PTK2B: variants seen among roughly 807,000 people sequenced by gnomAD.
PTK2B encodes protein-tyrosine kinase 2-beta.
PTK2B carries 71 observed loss-of-function variants against 142.9 expected under a neutral mutation model. That is an observed-to-expected ratio of 0.50 (90% confidence interval 0.41 to 0.61). The LOEUF (loss-of-function observed/expected upper bound fraction) is 0.61. Among genes scored for constraint, PTK2B ranks in the 20% least tolerant of loss-of-function variants. The pLI is 0.00. For missense variants in PTK2B, 1,105 were observed against 1,320.4 expected (o/e 0.84, Z 2.53); for synonymous variants, 519 against 503.4 (o/e 1.03, Z -0.42).
intron 6 of PTK2B, 66 bp from the exon 7 acceptor site, chr8:27,430,298 T>C (rs1810329085): frequency 6.9e-6 from 11 of 1,605,208 alleles, no homozygotes; most frequent in South Asian, 1.1e-5. Context: ...CTCTTCCTGA[T>C]TGGCCCGCAG....
At chr8:27,405,532 G>T (rs1351118459) in intron 2 of PTK2B, among the ~76,000 whole-genome samples, 1 of 152,170 alleles carries the variant, frequency 6.6e-6, no homozygotes, top group African/African-American at 2.4e-5. Flanking sequence ...GTTCATCCAG[G>T]AAACCACAAC....
chr8:27,432,484 G>T (rs2132057442), intron 10 of PTK2B, 123 bp downstream of exon 10: 1 of 849,912 alleles, frequency 1.2e-6, no homozygotes, highest in Non-Finnish European at 1.8e-6. Flanking sequence ...TGGCTTTGGG[G>T]ATCGTGTTAA....
chr8:27,399,016 G>A (rs1341418140), intron 2 of PTK2B, among the ~76,000 whole-genome samples: 1 of 152,210 alleles, frequency 6.6e-6, no homozygotes, highest in Non-Finnish European at 1.5e-5. Flanking sequence ...GCACAATTGT[G>A]TCCTGAGAGT....
At chr8:27,439,203 G>C in intron 19 of PTK2B, 72 bp downstream of exon 19, 1 of 1,567,328 alleles carries the variant, frequency 6.4e-7, no homozygotes, top group Non-Finnish European at 8.8e-7. Flanking sequence ...GAAGAAGGAA[G>C]TCTACAGTTG....
At chr8:27,422,011 TCA>T (rs1809784827) in intron 4 of PTK2B, among the ~76,000 whole-genome samples, 1 of 152,216 alleles carries the variant, frequency 6.6e-6, no homozygotes, top group South Asian at 2.1e-4. Flanking sequence ...TTGCAAAATC[TCA>T]GTTTTCTTCT....
Position 27,458,664 on chromosome 8 carries a change from C to T in PTK2B, c.*155C>T, listed in dbSNP as rs2132621787. 1 of 714,166 alleles carries T rather than the reference C, an allele frequency of 1.4e-6. No individual in the cohort carries two copies. Among genetic ancestry groups the T allele is most frequent in the East Asian group, 2.7e-5 (1 of 37,004 alleles). The allele number at this position is 714,166 out of a possible 1,614,324, so 44.2% of individuals were successfully genotyped here. On this transcript the variant is annotated 3_prime_UTR_variant, in exon 31 of 31. Coordinates refer to ENST00000346049, the MANE Select transcript of PTK2B (RefSeq NM_173176.3). ...CGACGCCCTCTCCCCACCCCTACCC[C>T]TGGCTGTACTGCTCAGGCTGCAGCT...
At chr8:27,427,647 A>G (rs1247425321) in intron 5 of PTK2B, among the ~76,000 whole-genome samples, 1 of 152,214 alleles carries the variant, frequency 6.6e-6, no homozygotes, top group Non-Finnish European at 1.5e-5. Context: ...CAAGCTGCCT[A>G]TAATCACCCA....
chr8:27,333,753 G>C (rs541867936), intron 1 of PTK2B, among the ~76,000 whole-genome samples: 1 of 152,108 alleles, frequency 6.6e-6, no homozygotes, highest in Admixed American at 6.5e-5. Flanking sequence ...CTATCTGGCA[G>C]CACCTTGAAG....
At chr8:27,318,303 G>A (rs1246120152) in intron 3 of PTK2B, among the ~76,000 whole-genome samples, 2 of 152,158 alleles carry the variant, frequency 1.3e-5, no homozygotes, top group African/African-American at 2.4e-5. Flanking sequence ...AGATCACCAC[G>A]TTTGTTAAAA....
upstream of PTK2B, chr8:27,310,803 G>C: frequency 1.3e-6 from 2 of 1,583,762 alleles, no homozygotes; most frequent in Non-Finnish European, 1.7e-6. Context: ...GCTCTTACCC[G>C]AAAGTCGTGG....
chr8:27,433,599 C>A, intron 11 of PTK2B, 47 bp downstream of exon 11: 1 of 1,496,378 alleles, frequency 6.7e-7, no homozygotes, highest in Non-Finnish European at 9.3e-7. Context: ...GGTGGCAGCA[C>A]ACCCGAGTCC....
chr8:27,431,365 C>G (rs1462843583), intron 8 of PTK2B, 33 bp from the exon 9 acceptor site: 1 of 1,614,122 alleles, frequency 6.2e-7, no homozygotes, highest in South Asian at 1.1e-5. Context: ...GAGGACAGCT[C>G]TGGAACAACA....
chr8:27,324,436 C>G (rs1380671307), upstream of PTK2B, among the ~76,000 whole-genome samples: 1 of 152,216 alleles, frequency 6.6e-6, no homozygotes, highest in Non-Finnish European at 1.5e-5. Context: ...TTCATCGGAC[C>G]CAGAGTGACA....
intron 4 of PTK2B, among the ~76,000 whole-genome samples, chr8:27,421,664 T>A (rs1387874545): frequency 8.5e-5 from 13 of 152,272 alleles, no homozygotes; most frequent in Non-Finnish European, 1.5e-5. Flanking sequence ...CCAATTTCTA[T>A]GGTGTAAATA....
chr8:27,431,158 G>T, intron 8 of PTK2B, 142 bp downstream of exon 8: 1 of 1,478,110 alleles, frequency 6.8e-7, no homozygotes, highest in Non-Finnish European at 9.1e-7. Flanking sequence ...GCCGTCGGTG[G>T]AAGTCAAAAG....
upstream of PTK2B, chr8:27,310,718 G>T: frequency 7.0e-7 from 1 of 1,434,452 alleles, no homozygotes. Context: ...GCTCTGGCAG[G>T]CAGGAGGGGC....
In PTK2B at chr8:27,450,851, A is replaced by G. The variant is rs1811759274; in HGVS notation, c.2443A>G (p.Met815Val). 10 of 1,614,216 alleles carry G rather than the reference A, an allele frequency of 6.2e-6. No homozygotes were observed. Among genetic ancestry groups the G allele is most frequent in the Non-Finnish European group, 8.5e-6 (10 of 1,180,030 alleles). Residue 815 changes from methionine (M) to valine (V), a missense_variant, in exon 25 of 31, where the codon ATG becomes GTG. Met to Val is a conservative substitution (Grantham distance 21). Coordinates refer to ENST00000346049, the MANE Select transcript of PTK2B (RefSeq NM_173176.3). Reference sequence around the variant, plus strand: ...AATCCTGGACAAACAGCAGAAGCAGATGGTGGAGGACTACCAGTGGCTCAG... The same window carrying G: ...AATCCTGGACAAACAGCAGAAGCAGGTGGTGGAGGACTACCAGTGGCTCAG... ...RQILDKQQKQ[M>V]VEDYQWLRQE...
rs184233417 is a variant in PTK2B at position 27,438,918 on chromosome 8, G to A, written c.1644-113G>A. The A allele has an allele frequency of 2.5e-3, 2,488 of 991,150 alleles. 7 individuals carry two copies. Among genetic ancestry groups the A allele is most frequent in the Non-Finnish European group, 3.0e-3 (1,942 of 654,950 alleles). The allele number at this position is 991,150 out of a possible 1,614,324, so 61.4% of individuals were successfully genotyped here. On this transcript the variant is annotated intron_variant, in intron 18 of 30. Transcript: ENST00000346049. ...GCTGCCCGATTCTGCTCTGGAGTCC[G>A]AGTCCCTGGCTTAGATTCTTGGTCT...
chr8:27,386,846 G>T (rs1434566360), intron 1 of PTK2B, among the ~76,000 whole-genome samples: 1 of 150,300 alleles, frequency 6.7e-6, no homozygotes, highest in Non-Finnish European at 1.5e-5. Flanking sequence ...TTAGACTTGG[G>T]TTTATACTTT....
Sources: gnomAD v4.1 joint callset for allele counts (sites outside exome capture counted in the v4.1 genomes callset) on GRCh38, gnomAD v4.1.1 for gene constraint, MANE v1.5 for transcripts, NCBI Gene and HGNC (gene_info 2026-07-23, HGNC 2026-07-21) for gene names.